Variants in NBEAL1 observed in about 807,000 individuals in gnomAD.
NBEAL1 encodes neurobeachin-like protein 1.
A neutral mutation model predicts 351.3 loss-of-function variants in NBEAL1; 273 were observed. The observed-to-expected ratio is 0.78, with a 90% confidence interval of 0.70 to 0.86. The LOEUF is 0.86. Among genes scored for constraint, NBEAL1 ranks in the 40% least tolerant of loss-of-function variants. NBEAL1 has a pLI of 0.00. For missense variants in NBEAL1, 2,961 were observed against 3,201.3 expected (o/e 0.92, Z 1.81); for synonymous variants, 1,050 against 1,086.4 (o/e 0.97, Z 0.66).
intron 31 of NBEAL1, among the ~76,000 whole-genome samples, chr2:203,143,672 T>C (rs1242403056): frequency 6.6e-6 from 1 of 152,184 alleles, no homozygotes; most frequent in Non-Finnish European, 1.5e-5. Context: ...GAGTGCTTTT[T>C]CCTACAGCCA....
In NBEAL1 at chr2:203,107,940, T is replaced by A; in HGVS notation, c.1701T>A (p.Asp567Glu). 1 of 1,553,952 alleles carries A rather than the reference T, an allele frequency of 6.4e-7. No homozygotes were observed. Among genetic ancestry groups the A allele is most frequent in the Non-Finnish European group, 8.7e-7 (1 of 1,147,636 alleles). Residue 567 changes from aspartate (D) to glutamate (E), a missense_variant, in exon 14 of 56, where the codon GAT (aspartate) becomes GAA (glutamate). Transcript: ENST00000683969. ...IRRLLRLLRV[D>E]ESESVHPYVT... ...GACTACTGAGATTGCTGAGAGTGGA[T>A]GAATCTGAGTCTGTTCACCCTTATG... is the stretch of plus-strand genomic sequence containing the variant.
At chr2:203,170,835 A>G (rs1410595522) in intron 39 of NBEAL1, among the ~76,000 whole-genome samples, 2 of 152,256 alleles carry the variant, frequency 1.3e-5, no homozygotes. Context: ...ACACCTAAGT[A>G]TCCTCTGAGG....
intron 7 of NBEAL1, among the ~76,000 whole-genome samples, chr2:203,071,533 GC>G (rs1228991843): frequency 1.3e-5 from 2 of 151,852 alleles, no homozygotes; most frequent in Non-Finnish European, 2.9e-5. Context: ...CTCTGTCCTT[GC>G]CCCCCCATTC....
At chr2:203,187,319 AAGTGCTGGGGTAAC>A (rs990288728) in intron 44 of NBEAL1, among the ~76,000 whole-genome samples, 1 of 148,900 alleles carries the variant, frequency 6.7e-6, no homozygotes, top group African/African-American at 2.5e-5. Context: ...TGGCCTCCCA[AAGTGCTGGGGTAAC>A]AGACATGAGC....
chr2:203,085,857 A>G (rs2061953443), intron 10 of NBEAL1: 1 of 152,206 alleles, frequency 6.6e-6, no homozygotes, highest in Non-Finnish European at 1.5e-5. Flanking sequence ...ATACTTCCTA[A>G]TGTAAAAATA....
intron 53 of NBEAL1, among the ~76,000 whole-genome samples, chr2:203,210,303 C>G (rs1559069368): frequency 6.8e-6 from 1 of 147,932 alleles, no homozygotes; most frequent in African/African-American, 2.5e-5. Flanking sequence ...GCAGACGTTG[C>G]AGTGAGCCAA....
intron 2 of NBEAL1, among the ~76,000 whole-genome samples, 189 bp downstream of exon 2, chr2:203,016,624 A>G (rs923868352): frequency 2.0e-5 from 3 of 152,216 alleles, no homozygotes; most frequent in African/African-American, 4.8e-5. Context: ...CAATATTGGC[A>G]TACTGTTAAA....
chr2:203,115,510 A>G (rs1317931421), intron 17 of NBEAL1, among the ~76,000 whole-genome samples: 9 of 152,106 alleles, frequency 5.9e-5, no homozygotes, highest in Admixed American at 5.2e-4. Flanking sequence ...ATCTCAGATC[A>G]CTGCAACTTC....
intron 49 of NBEAL1, among the ~76,000 whole-genome samples, chr2:203,200,120 T>C (rs1231336963): frequency 6.6e-6 from 1 of 152,232 alleles, no homozygotes; most frequent in Non-Finnish European, 1.5e-5. Context: ...GGCTCACGCC[T>C]GTAATCCCAA....
rs1004558650 is a variant in NBEAL1 at position 203,135,681 on chromosome 2, T to C, written c.3818T>C (p.Leu1273Ser). The part of the protein sequence containing the change: ...NVRVAICRKV[L>S]QILQFQPDAA... ...GTATTCTAAATCTTTTTACAGGTTT[T>C]GCAAATTTTGCAGTTCCAGCCAGAT... Residue 1273 changes from leucine to serine, a missense_variant, in exon 28 of 56, where the codon TTG (leucine) becomes TCG (serine). By Grantham distance (145) the Leu-to-Ser change is moderately radical. Coordinates refer to ENST00000683969, the MANE Select transcript of NBEAL1 (RefSeq NM_001378026.1). 1.3e-6 allele frequency: 2 copies of C among 1,486,620 alleles called. No individual in the cohort carries two copies. Among genetic ancestry groups the C allele is most frequent in the Admixed American group, 2.6e-5 (1 of 37,994 alleles). 92.1% of individuals were successfully genotyped at this position (1,486,620 alleles called of 1,614,324 possible).
chr2:203,132,211 G>A (rs1321982817), intron 26 of NBEAL1, 79 bp downstream of exon 26: 2 of 904,912 alleles, frequency 2.2e-6, no homozygotes, highest in African/African-American at 3.4e-5. Context: ...TTCTCAGGCT[G>A]CTTTTAAAAT....
rs995345304 is a variant in NBEAL1, at chr2:203,204,849, C to T, written c.7506+2068C>T. Among the ~76,000 whole-genome samples the T allele has an allele frequency of 2.0e-4, 30 of 152,164 alleles. 1 individual carries two copies. The highest frequency in any genetic ancestry group is 5.5e-4 in the African/African-American group (23 of 41,532). On this transcript the variant is annotated intron_variant, in intron 51 of 55. Transcript: ENST00000683969. ...TATAGTGATTTGACTGATTTCTGTA[C>T]AATTATATCGAATTACTTTGCCAAA... is the stretch of plus-strand genomic sequence containing the variant.
Position 203,213,636 on chromosome 2 carries a change from G to C in NBEAL1, c.8053G>C (p.Val2685Leu). ...AGATGGCAAATTGATTGTAGTGGGT[G>C]TTGGCAAGCCTGCTGAGGTAAAACC... ...LEDGKLIVVGVGKPAEMRSGQ... is the reference protein window; with the variant it reads ...LEDGKLIVVGLGKPAEMRSGQ... The change falls in exon 55 of 56, where the codon GTT (valine) becomes CTT (leucine). Residue 2685 changes from valine (V) to leucine (L), a missense_variant. Transcript: ENST00000683969. 1 of 1,613,912 alleles carries C rather than the reference G, an allele frequency of 6.2e-7. No homozygotes were observed. The highest frequency in any genetic ancestry group is 8.5e-7 in the Non-Finnish European group (1 of 1,179,936).
At chr2:203,177,568 C>G (rs145147705) in intron 42 of NBEAL1, among the ~76,000 whole-genome samples, 124 of 152,214 alleles carry the variant, frequency 8.1e-4, no homozygotes, top group African/African-American at 2.9e-3. Context: ...CAGTGAGATG[C>G]CACTTCACAC....
intron 51 of NBEAL1, among the ~76,000 whole-genome samples, chr2:203,205,647 T>C (rs2065531241): frequency 6.6e-6 from 1 of 152,250 alleles, no homozygotes; most frequent in Non-Finnish European, 1.5e-5. Context: ...TATTACACTT[T>C]ACTGATGTAT....
chr2:203,130,464 AATC>A lies in NBEAL1; in HGVS notation c.3555_3557del (p.Ile1186del). 7.0e-7 allele frequency: 1 copy of A among 1,427,794 alleles called. No individual in the cohort carries two copies. The highest frequency in any genetic ancestry group is 9.1e-7 in the Non-Finnish European group (1 of 1,093,784). 88.4% of individuals were successfully genotyped at this position (1,427,794 alleles called of 1,614,324 possible). ...AGAAGTACTCTGACAGACTAAGAGA[AATC>A]ATTTTTAAGGTACAAACATTTCTTA... is the stretch of plus-strand genomic sequence containing the variant. On this transcript the variant is annotated inframe_deletion, in exon 25 of 56. Transcript: ENST00000683969.
At chr2:203,054,149 A>G (rs1307336208) in intron 4 of NBEAL1, among the ~76,000 whole-genome samples, 1 of 152,060 alleles carries the variant, frequency 6.6e-6, no homozygotes, top group Non-Finnish European at 1.5e-5. Flanking sequence ...CTGCTGGCGG[A>G]GTGCAGTGGC....
chr2:203,108,696 C>A (rs1426009312), intron 14 of NBEAL1, among the ~76,000 whole-genome samples: 1 of 152,094 alleles, frequency 6.6e-6, no homozygotes, highest in African/African-American at 2.4e-5. Context: ...AGCCACCGCA[C>A]CCAGCCACAA....
intron 36 of NBEAL1, among the ~76,000 whole-genome samples, chr2:203,162,089 T>C (rs1215748520): frequency 1.4e-5 from 2 of 148,082 alleles, no homozygotes; most frequent in Non-Finnish European, 3.0e-5. Context: ...AGTGGCGCGA[T>C]CTCGGCTCCC....
Sources: gnomAD v4.1 joint callset for allele counts (sites outside exome capture counted in the v4.1 genomes callset) on GRCh38, gnomAD v4.1.1 for gene constraint, MANE v1.5 for transcripts, NCBI Gene and HGNC (gene_info 2026-07-23, HGNC 2026-07-21) for gene names.